KCNMA1: variants seen among roughly 807,000 people sequenced by gnomAD.
KCNMA1 encodes the protein potassium calcium-activated channel subfamily M alpha 1.
A neutral mutation model predicts 140.0 loss-of-function variants in KCNMA1; 29 were observed. The ratio of observed to expected loss-of-function variants is 0.21; its 90% CI spans 0.15 to 0.28. The LOEUF is 0.28. Among genes scored for constraint, KCNMA1 ranks in the 10% least tolerant of loss-of-function variants. The probability of loss-of-function intolerance (pLI) is 1.00; values close to 1 mark genes in which losing one functional copy is unlikely to be tolerated. For synonymous variants in KCNMA1, 612 were observed against 611.9 expected, an observed-to-expected ratio of 1.00 and a Z score of 0.00; for missense variants, 880 against 1,602.2, an observed-to-expected ratio of 0.55 and a Z score of 7.70.
intron 1 of KCNMA1, among the ~76,000 whole-genome samples, chr10:77,606,411 C>T (rs920053559): frequency 4.6e-5 from 7 of 152,130 alleles, no homozygotes; most frequent in Admixed American, 2.0e-4. Context: ...AGGGGACGAT[C>T]GCTTGAGGCT....
intron 5 of KCNMA1, among the ~76,000 whole-genome samples, chr10:77,157,726 C>A (rs1412649213): frequency 6.6e-6 from 1 of 152,120 alleles, no homozygotes; most frequent in Non-Finnish European, 1.5e-5. Flanking sequence ...CTTCATCCTG[C>A]CTTCAGCGAG....
chr10:77,289,977 G>A (rs2072590597), intron 2 of KCNMA1, among the ~76,000 whole-genome samples: 1 of 152,192 alleles, frequency 6.6e-6, no homozygotes, highest in Non-Finnish European at 1.5e-5. Flanking sequence ...TGACATTCTT[G>A]AAAAGATAAA....
At chr10:77,353,704 A>G (rs1320640762) in intron 2 of KCNMA1, among the ~76,000 whole-genome samples, 1 of 152,166 alleles carries the variant, frequency 6.6e-6, no homozygotes, top group Non-Finnish European at 1.5e-5. Flanking sequence ...TTACAGATGA[A>G]ACAATTGAGG....
chr10:77,202,993 T>C (rs186693785), intron 3 of KCNMA1, among the ~76,000 whole-genome samples: 45 of 152,300 alleles, frequency 3.0e-4, no homozygotes, highest in Non-Finnish European at 4.7e-4. Flanking sequence ...CAAATGAATA[T>C]CCAGGAAGAG....
At chr10:77,306,868 A>G (rs931738689) in intron 2 of KCNMA1, among the ~76,000 whole-genome samples, 2 of 152,228 alleles carry the variant, frequency 1.3e-5, no homozygotes, top group African/African-American at 4.8e-5. Context: ...TAGGAGGTGC[A>G]CAGTAGATAA....
chr10:77,088,619 G>C (rs2096748051), intron 10 of KCNMA1, among the ~76,000 whole-genome samples: 1 of 151,740 alleles, frequency 6.6e-6, no homozygotes, highest in Admixed American at 6.6e-5. Context: ...TGTATAGATG[G>C]GGTCTCACTG....
intron 1 of KCNMA1, among the ~76,000 whole-genome samples, chr10:77,619,926 G>A (rs2090869147): frequency 6.6e-6 from 1 of 152,178 alleles, no homozygotes; most frequent in African/African-American, 2.4e-5. Flanking sequence ...GGGTTGGAAG[G>A]GAAGGAGTAG....
At chr10:77,302,962 C>G (rs2076890203) in intron 2 of KCNMA1, among the ~76,000 whole-genome samples, 1 of 152,110 alleles carries the variant, frequency 6.6e-6, no homozygotes, top group Non-Finnish European at 1.5e-5. Flanking sequence ...TGGGGACTCA[C>G]CTGTGTTTGC....
At chr10:77,490,125 T>A (rs1053737112) in intron 1 of KCNMA1, among the ~76,000 whole-genome samples, 4 of 152,202 alleles carry the variant, frequency 2.6e-5, no homozygotes, top group African/African-American at 9.6e-5. Context: ...GGAGGCAAAA[T>A]CATGCCTGGT....
At chr10:77,138,222 T>C (rs2098090066) in intron 5 of KCNMA1, among the ~76,000 whole-genome samples, 1 of 152,188 alleles carries the variant, frequency 6.6e-6, no homozygotes, top group African/African-American at 2.4e-5. Flanking sequence ...TTTTTAAAAG[T>C]AAACAAATAG....
intron 14 of KCNMA1, among the ~76,000 whole-genome samples, chr10:77,066,763 T>C (rs1039702734): frequency 5.3e-5 from 8 of 152,172 alleles, no homozygotes; most frequent in African/African-American, 1.9e-4. Context: ...CCATGGGTAA[T>C]AGAGTAAGCA....
intron 19 of KCNMA1, chr10:76,995,388 C>T (rs894208714): frequency 1.4e-5 from 5 of 369,662 alleles, no homozygotes; most frequent in Admixed American, 1.1e-4. Context: ...TGGGTCTAAT[C>T]GAGGCTCCTG....
intron 2 of KCNMA1, among the ~76,000 whole-genome samples, chr10:77,299,619 A>G (rs2076085160): frequency 6.6e-6 from 1 of 152,152 alleles, no homozygotes; most frequent in Non-Finnish European, 1.5e-5. Flanking sequence ...ACGCAGCTCT[A>G]AGAGGTTCAG....
At chr10:77,157,840 C>T (rs2154071699) in intron 5 of KCNMA1, among the ~76,000 whole-genome samples, 1 of 152,290 alleles carries the variant, frequency 6.6e-6, no homozygotes, top group African/African-American at 2.4e-5. Flanking sequence ...GGCACCCTCT[C>T]CAGGATCACA....
At chr10:77,420,691 T>A (rs925824886) in intron 1 of KCNMA1, among the ~76,000 whole-genome samples, 1 of 152,080 alleles carries the variant, frequency 6.6e-6, no homozygotes, top group Non-Finnish European at 1.5e-5. Flanking sequence ...TATTTATTAA[T>A]ATATCAGGGT....
chr10:77,471,789 C>A (rs1320807983), intron 1 of KCNMA1, among the ~76,000 whole-genome samples: 11 of 151,506 alleles, frequency 7.3e-5, no homozygotes, highest in Admixed American at 7.2e-4. Context: ...TATACACACA[C>A]CCAACAAATA....
At position 77,265,389 on chromosome 10, in the gene KCNMA1, T is replaced by C. The variant is rs576638594; in HGVS notation, c.541-14133A>G. ...TCTAATAAGTTTCAGGTGATGCTGA[T>C]GCTGCTGGTTCAGAGACCACATTTT... On this transcript the variant is annotated intron_variant, in intron 2 of 27. Coordinates refer to ENST00000286628, the MANE Select transcript of KCNMA1 (RefSeq NM_001161352.2). Among the ~76,000 whole-genome samples the C allele has an allele frequency of 2.0e-5, 3 of 152,320 alleles. No homozygotes were observed. In the Middle Eastern group the frequency reaches 0.01, roughly 518 times the overall value.
chr10:77,012,340 T>C (rs926661519), intron 17 of KCNMA1: 2 of 1,467,996 alleles, frequency 1.4e-6, no homozygotes, highest in Admixed American at 5.3e-5. Flanking sequence ...CTTTCATTTT[T>C]GAGAACAGCC....
intron 2 of KCNMA1, among the ~76,000 whole-genome samples, chr10:77,251,809 C>T (rs1306579835): frequency 6.6e-6 from 1 of 152,112 alleles, no homozygotes; most frequent in Non-Finnish European, 1.5e-5. Context: ...AGTAAGATCC[C>T]TCATGCCTGT....
Sources: gnomAD v4.1 joint callset for allele counts (sites outside exome capture counted in the v4.1 genomes callset) on GRCh38, gnomAD v4.1.1 for gene constraint, MANE v1.5 for transcripts, NCBI Gene and HGNC (gene_info 2026-07-23, HGNC 2026-07-21) for gene names.